TJP2: variants seen among roughly 807,000 people sequenced by gnomAD.
TJP2 encodes tight junction protein 2.
TJP2 carries 91 observed loss-of-function variants against 133.1 expected under a neutral mutation model. That is an observed-to-expected ratio of 0.68 (90% CI 0.58 to 0.81). TJP2 has a LOEUF of 0.81. TJP2 is among the 40% of genes least tolerant of loss of function. The pLI, the probability that TJP2 is intolerant of heterozygous loss-of-function variation, is 0.00. For synonymous variants in TJP2, 592 were observed against 583.4 expected (o/e 1.01, Z -0.21); for missense variants, 1,541 against 1,565.6 (o/e 0.98, Z 0.26).
At chr9:69,202,872 G>A (rs1009392532) in intron 1 of TJP2, among the ~76,000 whole-genome samples, 1 of 151,974 alleles carries the variant, frequency 6.6e-6, no homozygotes, top group African/African-American at 2.4e-5. Context: ...CTGTTCAAGG[G>A]CCAACTGTAC....
At chr9:69,235,205 C>T (rs1830087937) in intron 12 of TJP2, among the ~76,000 whole-genome samples, 1 of 152,156 alleles carries the variant, frequency 6.6e-6, no homozygotes, top group South Asian at 2.1e-4. Flanking sequence ...CCAGGAGAGC[C>T]AATGGTGTAG....
intron 6 of TJP2, 84 bp downstream of exon 6, chr9:69,225,491 A>G (rs1264316046): frequency 1.1e-6 from 1 of 893,470 alleles, no homozygotes; most frequent in Non-Finnish European, 1.8e-6. Flanking sequence ...ACACAGTGAG[A>G]CTTAGATCCA....
At chr9:69,158,982 G>GCCC (rs11317308) in intron 2 of TJP2, among the ~76,000 whole-genome samples, 14 of 144,372 alleles carry the variant, frequency 9.7e-5, no homozygotes, top group African/African-American at 3.6e-4. Context: ...AGGATTCACC[G>GCCC]CCCCCCCCCC....
chr9:69,129,309 G>A lies in TJP2; in HGVS notation c.-131+7584G>A, dbSNP rs894233226. 4.6e-5 allele frequency among the ~76,000 whole-genome samples: 7 copies of A among 152,042 alleles called. No individual in the cohort carries two copies. The East Asian group carries it at 7.7e-4, about 17-fold the overall frequency. On this transcript the variant is annotated intron_variant, in intron 1 of 5. Transcript: ENST00000423935. ...GCAGATCACTTGAATCCAAGAGTTC[G>A]AGACCAGCCTGGCCAACATGGTGAA...
At chr9:69,166,774 T>C (rs1824379636) in intron 2 of TJP2, among the ~76,000 whole-genome samples, 1 of 152,004 alleles carries the variant, frequency 6.6e-6, no homozygotes, top group Non-Finnish European at 1.5e-5. Flanking sequence ...CTTAAAAATA[T>C]ATTTTTTAAA....
intron 2 of TJP2, among the ~76,000 whole-genome samples, chr9:69,155,605 G>A (rs1476182807): frequency 2.6e-5 from 4 of 152,254 alleles, no homozygotes; most frequent in African/African-American, 9.6e-5. Flanking sequence ...TAGAGCATGG[G>A]CTTGTTTACA....
At chr9:69,202,400 A>T (rs961664790) in intron 1 of TJP2, among the ~76,000 whole-genome samples, 1 of 152,152 alleles carries the variant, frequency 6.6e-6, no homozygotes, top group Admixed American at 6.6e-5. Flanking sequence ...GGACACATAC[A>T]TTCAAACCTT....
intron 1 of TJP2, among the ~76,000 whole-genome samples, chr9:69,130,656 G>A (rs1822455256): frequency 6.6e-6 from 1 of 152,224 alleles, no homozygotes; most frequent in Non-Finnish European, 1.5e-5. Flanking sequence ...GGCTGGTCTG[G>A]GCATCCTGTG....
intron 1 of TJP2, among the ~76,000 whole-genome samples, chr9:69,175,240 A>T (rs2132943770): frequency 6.6e-6 from 1 of 152,274 alleles, no homozygotes; most frequent in East Asian, 1.9e-4. Flanking sequence ...TGGCCTGAGT[A>T]ATGATGGTTG....
At chr9:69,173,995 G>C, upstream of TJP2, 2 of 985,048 alleles carry the variant, frequency 2.0e-6, no homozygotes, top group Non-Finnish European at 1.2e-6. Context: ...CGGGCCGCTC[G>C]GGCCTTGGGC....
intron 1 of TJP2, among the ~76,000 whole-genome samples, chr9:69,146,856 G>A (rs889104928): frequency 3.3e-5 from 5 of 152,192 alleles, no homozygotes; most frequent in Admixed American, 1.3e-4. Flanking sequence ...CCAGCCCACA[G>A]TGTCAACGGT....
intron 2 of TJP2, among the ~76,000 whole-genome samples, chr9:69,213,055 ATTTTTT>A (rs551659577): frequency 6.5e-5 from 5 of 76,544 alleles, no homozygotes; most frequent in Admixed American, 3.8e-4. Flanking sequence ...GTGGTTCTGC[ATTTTTT>A]TTTTTTTTTT....
At chr9:69,163,508 C>A (rs960825395) in intron 2 of TJP2, among the ~76,000 whole-genome samples, 1 of 151,948 alleles carries the variant, frequency 6.6e-6, no homozygotes, top group Admixed American at 6.6e-5. Flanking sequence ...TGGTGGTGCA[C>A]GCCTATGTTC....
chr9:69,238,649 G>A (rs1338390222), intron 15 of TJP2, 61 bp from the exon 16 acceptor site: 10 of 1,298,780 alleles, frequency 7.7e-6, no homozygotes, highest in Non-Finnish European at 1.1e-5. Context: ...TGCTAGGTGG[G>A]AGTATTTGGT....
chr9:69,125,205 G>A lies in TJP2; in HGVS notation c.-131+3480G>A, dbSNP rs1587864062. Among the ~76,000 whole-genome samples, 2 of 73,574 alleles carry A rather than the reference G, an allele frequency of 2.7e-5. 1 individual carries two copies. The highest frequency in any genetic ancestry group is 7.7e-4 in the South Asian group (2 of 2,604). 48.3% of individuals were successfully genotyped at this position (73,574 alleles called of 152,430 possible). On this transcript the variant is annotated intron_variant, in intron 1 of 5. Transcript: ENST00000423935. Reference sequence around the variant, plus strand: ...TGACCTCAGGTGATCCACCCACCTCGACCTCCAAAAGTGCTAGGATTACAG... The same window carrying A: ...TGACCTCAGGTGATCCACCCACCTCAACCTCCAAAAGTGCTAGGATTACAG...
chr9:69,134,614 C>G (rs560773433), intron 1 of TJP2, among the ~76,000 whole-genome samples: 20 of 152,192 alleles, frequency 1.3e-4, no homozygotes, highest in African/African-American at 4.3e-4. Context: ...CTGAAGTGCT[C>G]CACTCAAGCA....
chr9:69,130,496 G>C (rs1822446313), intron 1 of TJP2, among the ~76,000 whole-genome samples: 1 of 151,946 alleles, frequency 6.6e-6, no homozygotes, highest in Non-Finnish European at 1.5e-5. Flanking sequence ...TAGATCTGGG[G>C]CGGGGGCTCA....
chr9:69,212,101 C>T (rs1827957688), intron 1 of TJP2, among the ~76,000 whole-genome samples: 1 of 152,110 alleles, frequency 6.6e-6, no homozygotes, highest in Non-Finnish European at 1.5e-5. Flanking sequence ...GCAGATCACC[C>T]AATTGGGCAT....
rs1199653581 is a variant in TJP2, at chr9:69,239,977, A to T, written c.2396A>T (p.Asp799Val). The T allele has an allele frequency of 5.0e-6, 8 of 1,614,198 alleles. No individual in the cohort carries two copies. Among genetic ancestry groups the T allele is most frequent in the Non-Finnish European group, 6.8e-6 (8 of 1,180,032 alleles). The change falls in exon 17 of 23, where the codon GAC (aspartate) becomes GTC (valine). Residue 799 changes from aspartate to valine, a missense_variant. Physicochemically the swap from Asp to Val is radical, Grantham distance 152. Coordinates refer to ENST00000377245, the MANE Select transcript of TJP2 (RefSeq NM_004817.4). The part of the protein sequence containing the change: ...ALLDVTPKAV[D>V]LLNYTQWFPI... ...CTGGATGTGACTCCGAAAGCTGTGGACCTGTTGAATTACACCCAGTGGTTC... is the reference window on the plus strand; with the variant it reads ...CTGGATGTGACTCCGAAAGCTGTGGTCCTGTTGAATTACACCCAGTGGTTC...
Sources: gnomAD v4.1 joint callset for allele counts (sites outside exome capture counted in the v4.1 genomes callset) on GRCh38, gnomAD v4.1.1 for gene constraint, MANE v1.5 for transcripts, NCBI Gene and HGNC (gene_info 2026-07-23, HGNC 2026-07-21) for gene names.